UNC80: variants seen among roughly 807,000 people sequenced by gnomAD.
UNC80 encodes unc-80 subunit of NALCN channel complex.
In UNC80, 164 loss-of-function variants were observed where a neutral mutation model predicts 384.6. The observed-to-expected ratio is 0.43, with a 90% confidence interval of 0.38 to 0.49. UNC80 has a LOEUF of 0.49. UNC80 is among the 20% of genes least tolerant of loss of function. UNC80 has a pLI of 0.00. For missense variants in UNC80, 3,330 were observed against 4,143.0 expected (o/e 0.80, Z 5.39); for synonymous variants, 1,486 against 1,527.8 (o/e 0.97, Z 0.64).
chr2:209,908,819 A>G (rs779374245), intron 29 of UNC80, among the ~76,000 whole-genome samples: 4 of 152,174 alleles, frequency 2.6e-5, no homozygotes, highest in Admixed American at 2.0e-4. Flanking sequence ...TAACTTACAT[A>G]ATTCATGTGT....
Position 209,976,150 on chromosome 2 carries a change from G to A in UNC80, c.8619G>A (p.Arg2873=). 6.4e-7 allele frequency: 1 copy of A among 1,551,616 alleles called. No homozygotes were observed. The change falls in exon 57 of 65, where the codon AGG becomes AGA. Residue 2873 remains arginine (R), a synonymous_variant. Coordinates refer to ENST00000673920, the MANE Select transcript of UNC80 (RefSeq NM_001371986.1). This position sits in a 1 kb window ranked among gnomAD's most constrained non-coding sequence, Gnocchi z 4.3. ...ALKVILVCFE[R]QLGSQWYWLS... ...AGGTGATTCTCGTCTGCTTTGAGAG[G>A]CAGCTCGGAAGCCAGTGGTACTGGC...
intron 28 of UNC80, among the ~76,000 whole-genome samples, chr2:209,896,967 G>A (rs2086859735): frequency 6.6e-6 from 1 of 152,108 alleles, no homozygotes; most frequent in Non-Finnish European, 1.5e-5. Flanking sequence ...GTAAGGGAAT[G>A]TAACCTCAGT....
chr2:209,897,119 G>A (rs1047914277), intron 28 of UNC80, among the ~76,000 whole-genome samples: 2 of 152,112 alleles, frequency 1.3e-5, no homozygotes, highest in Non-Finnish European at 2.9e-5. Context: ...CTTCACTATG[G>A]AAGCAGTCAC....
chr2:209,786,980 CATATATATATATATATAT>C (rs60467878), intron 5 of UNC80, among the ~76,000 whole-genome samples: 13,355 of 135,830 alleles, frequency 0.098, 902 homozygotes, highest in East Asian at 0.22. Flanking sequence ...TCTACAGAAG[CATATATATATATATATAT>C]ATATATATAT....
At position 209,994,170 on chromosome 2, in the gene UNC80, C is replaced by G. The variant is rs143679498; in HGVS notation, c.9614C>G (p.Ala3205Gly). 8.9e-4 allele frequency: 1,379 copies of G among 1,551,528 alleles called. 9 individuals are homozygous for G. In the African/African-American group the frequency reaches 0.017, roughly 19 times the overall value. ...GGCCAACTACAGGGCTGTAGCCCAG[C>G]CCCTTCTAGGAAACCAGAAGCAATG... ...ATGQLQGCSPAPSRKPEAMDE... is the reference protein window; with the variant it reads ...ATGQLQGCSPGPSRKPEAMDE... Residue 3205 changes from alanine to glycine, a missense_variant, in exon 64 of 65, where the codon GCC becomes GGC. Ala to Gly is a moderately conservative substitution (Grantham distance 60, BLOSUM62 0). This residue lies in a region of UNC80 where 236 missense variants were observed against 254.9 expected (regional missense o/e 0.93). Transcript: ENST00000673920.
chr2:209,992,036 C>T, intron 61 of UNC80, 130 bp from the exon 62 acceptor site: 1 of 680,760 alleles, frequency 1.5e-6, no homozygotes, highest in Admixed American at 3.2e-5. Context: ...AGGGACTCTC[C>T]CAACCATCCT....
At chr2:209,924,979 A>G (rs2090314693) in intron 35 of UNC80, among the ~76,000 whole-genome samples, 2 of 152,042 alleles carry the variant, frequency 1.3e-5, no homozygotes, top group Admixed American at 1.3e-4. Context: ...TGCTGGTTTT[A>G]ACAGCTACCA....
At chr2:209,846,930 T>C (rs1214445591) in intron 21 of UNC80, among the ~76,000 whole-genome samples, 1 of 152,082 alleles carries the variant, frequency 6.6e-6, no homozygotes, top group African/African-American at 2.4e-5. Context: ...AAATATAATA[T>C]GTACAATGAG....
intron 22 of UNC80, among the ~76,000 whole-genome samples, chr2:209,858,782 C>T (rs986913741): frequency 6.7e-6 from 1 of 150,266 alleles, no homozygotes; most frequent in African/African-American, 2.4e-5. Flanking sequence ...AAAATTTAGT[C>T]TATTTGTGCA....
intron 13 of UNC80, among the ~76,000 whole-genome samples, chr2:209,821,064 A>G (rs757611469): frequency 4.0e-5 from 6 of 151,440 alleles, no homozygotes; most frequent in Non-Finnish European, 8.8e-5. Flanking sequence ...ACAAAATACC[A>G]TAGACTGAGT....
At chr2:209,828,494 C>T (rs2080710837) in intron 14 of UNC80, among the ~76,000 whole-genome samples, 1 of 151,932 alleles carries the variant, frequency 6.6e-6, no homozygotes. Context: ...AAGTTTCAGT[C>T]TTTTATAATC....
chr2:209,784,051 T>C, intron 4 of UNC80, among the ~76,000 whole-genome samples: 1 of 152,148 alleles, frequency 6.6e-6, no homozygotes, highest in East Asian at 1.9e-4. Context: ...AACCTGCTCC[T>C]CCTTCATCTT....
chr2:209,989,845 A>C (rs1190459051), intron 61 of UNC80, among the ~76,000 whole-genome samples: 1 of 152,218 alleles, frequency 6.6e-6, no homozygotes. Flanking sequence ...ATAAATTATC[A>C]TTGTGAATTT....
chr2:209,840,576 G>C lies in UNC80; in HGVS notation c.3285G>C (p.Leu1095=). ...TGAAGAGATCATCCCTCTCAGGCCT[G>C]GCAGATGGTGTGGAGGACCTCCTGG... ...NWLKRSSLSG[L]ADGVEDLLDI... is the part of the protein sequence containing the mutation. Residue 1095 remains leucine, a synonymous_variant, in exon 20 of 65, where the codon CTG becomes CTC. Transcript: ENST00000673920. 6.4e-7 allele frequency: 1 copy of C among 1,551,888 alleles called. No individual in the cohort carries two copies. The highest frequency in any genetic ancestry group is 8.7e-7 in the Non-Finnish European group (1 of 1,147,006).
At chr2:209,971,646 A>G (rs1187704006) in intron 54 of UNC80, among the ~76,000 whole-genome samples, 5 of 152,204 alleles carry the variant, frequency 3.3e-5, no homozygotes, top group African/African-American at 1.2e-4. Context: ...TCATCCAGAG[A>G]ATGGGTAGAT....
chr2:209,928,906 C>T (rs1453548445), intron 36 of UNC80, among the ~76,000 whole-genome samples: 1 of 152,114 alleles, frequency 6.6e-6, no homozygotes, highest in African/African-American at 2.4e-5. Flanking sequence ...TTAGCTTCTA[C>T]AAATGAGTGA....
intron 28 of UNC80, among the ~76,000 whole-genome samples, chr2:209,903,599 A>ATATATAGTATATATGTAATATATATAC (rs2087793952): frequency 4.6e-3 from 16 of 3,452 alleles, no homozygotes; most frequent in Non-Finnish European, 6.8e-3. Flanking sequence ...TATATATACT[A>ATATATAGTATATATGTAATATATATAC]TATATATAGT....
chr2:209,922,819 TTTTG>T (rs1208358939), intron 35 of UNC80, among the ~76,000 whole-genome samples: 2 of 152,116 alleles, frequency 1.3e-5, no homozygotes, highest in Non-Finnish European at 2.9e-5. Flanking sequence ...TTGTTTTTGT[TTTTG>T]TTTTTATTCA....
chr2:209,896,500 AAATCATC>A, intron 28 of UNC80, 87 bp downstream of exon 28: 1 of 1,097,302 alleles, frequency 9.1e-7, no homozygotes, highest in Non-Finnish European at 1.4e-6. Flanking sequence ...AGATTATACT[AAATCATC>A]AATCCGATCT....
Sources: gnomAD v4.1 joint callset for allele counts (sites outside exome capture counted in the v4.1 genomes callset) on GRCh38, gnomAD v4.1.1 for gene constraint, gnomAD v4.1.1 regional missense constraint, Gnocchi (gnomAD v3.1) non-coding constraint, MANE v1.5 for transcripts, NCBI Gene and HGNC (gene_info 2026-07-23, HGNC 2026-07-21) for gene names.